The following ENAH variants were observed in gnomAD, a reference collection of about 807,000 sequenced individuals.
ENAH encodes protein enabled homolog.
In ENAH, 23 loss-of-function variants were observed where a neutral mutation model predicts 78.7. The ratio of observed to expected loss-of-function variants is 0.29; its 90% CI spans 0.21 to 0.41. ENAH has a LOEUF of 0.41. Among genes scored for constraint, ENAH ranks in the 10% least tolerant of loss-of-function variants. The pLI is 1.00. For synonymous variants in ENAH, 226 were observed against 241.0 expected, an observed-to-expected ratio of 0.94 and a Z score of 0.58; for missense variants, 544 against 691.0, an observed-to-expected ratio of 0.79 and a Z score of 2.39.
rs77520924 is a variant in ENAH at position 225,613,402 on chromosome 1, C to T, written c.5+39284G>A. ...CCCTGGGTACATGACTTGTTTAACA[C>T]CATTTCCCCAGGGCAGAGAACAGTG... On this transcript the variant is annotated intron_variant, in intron 1 of 13. Coordinates refer to ENST00000366843, the MANE Select transcript of ENAH (RefSeq NM_018212.6). Among the ~76,000 whole-genome samples, 432 of 152,296 alleles carry T rather than the reference C, an allele frequency of 2.8e-3. 1 individual carries two copies. The highest frequency in any genetic ancestry group is 0.027 in the Middle Eastern group (8 of 294).
chr1:225,561,017 C>T (rs527949989), intron 2 of ENAH, among the ~76,000 whole-genome samples: 18 of 151,266 alleles, frequency 1.2e-4, no homozygotes, highest in Non-Finnish European at 1.9e-4. Flanking sequence ...GGGCAGATCA[C>T]GATGTCAGGA....
intron 4 of ENAH, among the ~76,000 whole-genome samples, chr1:225,523,475 C>CA (rs1202788868): frequency 6.6e-6 from 1 of 151,904 alleles, no homozygotes; most frequent in Non-Finnish European, 1.5e-5. Flanking sequence ...GAAAAGGACA[C>CA]AATGCTGGAG....
At chr1:225,550,028 C>T (rs887874598) in intron 3 of ENAH, among the ~76,000 whole-genome samples, 3 of 152,212 alleles carry the variant, frequency 2.0e-5, no homozygotes, top group South Asian at 2.1e-4. Context: ...CATGCACACT[C>T]GTCAGCACTA....
At chr1:225,542,352 A>G (rs79030499) in intron 3 of ENAH, among the ~76,000 whole-genome samples, 3,065 of 152,292 alleles carry the variant, frequency 0.02, 100 homozygotes, top group African/African-American at 0.067. Flanking sequence ...CTGCCATCAC[A>G]CTACTTTCCA....
At chr1:225,512,210 CAG>C (rs1360991663) in intron 9 of ENAH, among the ~76,000 whole-genome samples, 2 of 152,224 alleles carry the variant, frequency 1.3e-5, no homozygotes, top group African/African-American at 2.4e-5. Context: ...ACAGACAAAG[CAG>C]AGTTTGCCCA....
At chr1:225,510,282 T>C (rs1378545043) in intron 10 of ENAH, among the ~76,000 whole-genome samples, 1 of 152,068 alleles carries the variant, frequency 6.6e-6, no homozygotes. Flanking sequence ...TAACTTGGAG[T>C]CCATGGATAA....
At chr1:225,504,854 A>G in intron 11 of ENAH, 1 of 496,492 alleles carries the variant, frequency 2.0e-6, no homozygotes, top group Non-Finnish European at 3.5e-6. Context: ...GTGATGGCAG[A>G]ATTTTTAAAA....
intron 6 of ENAH, among the ~76,000 whole-genome samples, chr1:225,515,590 A>C (rs961847133): frequency 6.6e-6 from 1 of 152,218 alleles, no homozygotes; most frequent in East Asian, 1.9e-4. Context: ...GCAAGAAGAG[A>C]AATGTTCAAA....
chr1:225,598,868 CG>C (rs1435811434), intron 1 of ENAH, among the ~76,000 whole-genome samples: 1 of 150,542 alleles, frequency 6.6e-6, no homozygotes, highest in Non-Finnish European at 1.5e-5. Context: ...AAAAAATCAA[CG>C]GGTGCTAAAT....
At chr1:225,577,787 T>C (rs2096795419) in intron 1 of ENAH, among the ~76,000 whole-genome samples, 1 of 152,092 alleles carries the variant, frequency 6.6e-6, no homozygotes, top group African/African-American at 2.4e-5. Context: ...TCTCTTAAAA[T>C]AGGGGAAAAC....
chr1:225,574,326 C>G (rs553718156), intron 1 of ENAH, among the ~76,000 whole-genome samples: 1 of 152,112 alleles, frequency 6.6e-6, no homozygotes, highest in Non-Finnish European at 1.5e-5. Context: ...GTGGGCCAGG[C>G]GCGGTGGCTC....
intron 11 of ENAH, among the ~76,000 whole-genome samples, chr1:225,506,635 T>C (rs887473451): frequency 6.6e-6 from 1 of 152,230 alleles, no homozygotes; most frequent in Admixed American, 6.5e-5. Flanking sequence ...TGAAAACACA[T>C]GTCCACCAAA....
chr1:225,614,778 GCCAGGAA>G (rs1172693147), intron 1 of ENAH, among the ~76,000 whole-genome samples: 1 of 152,166 alleles, frequency 6.6e-6, no homozygotes, highest in Admixed American at 6.5e-5. Flanking sequence ...AGAGCTGTGT[GCCAGGAA>G]CCAGGAACAG....
chr1:225,517,652 C>A (rs1217557989), intron 5 of ENAH: 5 of 1,550,598 alleles, frequency 3.2e-6, no homozygotes, highest in Non-Finnish European at 4.4e-6. Flanking sequence ...GTAGACCAGG[C>A]ACAGGGCTTC....
chr1:225,598,849 G>C (rs2096915788), intron 1 of ENAH, among the ~76,000 whole-genome samples: 1 of 146,020 alleles, frequency 6.8e-6, no homozygotes. Flanking sequence ...ATTTGATTCA[G>C]GCAAAAAAAA....
At chr1:225,650,972 A>G (rs1662886068) in intron 1 of ENAH, among the ~76,000 whole-genome samples, 1 of 151,788 alleles carries the variant, frequency 6.6e-6, no homozygotes, top group African/African-American at 2.4e-5. Context: ...CTACGGCATT[A>G]GATCTCTAAA....
intron 7 of ENAH, among the ~76,000 whole-genome samples, chr1:225,514,105 AATT>A (rs1418720031): frequency 6.6e-6 from 1 of 152,196 alleles, no homozygotes; most frequent in East Asian, 1.9e-4. Flanking sequence ...AATTTATAGA[AATT>A]ATTTATACTA....
chr1:225,571,168 C>G (rs1389394015), intron 1 of ENAH, among the ~76,000 whole-genome samples: 1 of 151,334 alleles, frequency 6.6e-6, no homozygotes, highest in Non-Finnish European at 1.5e-5. Flanking sequence ...CATTTGAGGT[C>G]AGGAGACCAG....
intron 1 of ENAH, chr1:225,652,288 T>G (rs2148535827): frequency 5.1e-6 from 5 of 974,492 alleles, no homozygotes; most frequent in Non-Finnish European, 6.1e-6. Flanking sequence ...CAAAAGTGCA[T>G]GAAATTTTTA....
Sources: allele counts gnomAD v4.1 joint callset (sites outside exome capture counted in the v4.1 genomes callset), GRCh38; gene constraint gnomAD v4.1.1; transcripts MANE v1.5; gene names NCBI Gene and HGNC (gene_info 2026-07-23, HGNC 2026-07-21).